The following P3H2 variants were observed in gnomAD, a reference collection of about 807,000 sequenced individuals.
P3H2 encodes prolyl 3-hydroxylase 2, also known as leprecan-like 1.
Under a neutral mutation model 87.0 loss-of-function variants are expected in P3H2, and 80 were observed. The ratio of observed to expected loss-of-function variants is 0.92; its 90% CI spans 0.77 to 1.11. The LOEUF (loss-of-function observed/expected upper bound fraction) is 1.11, where lower values mean the gene tolerates loss of function less well. Among genes scored for constraint, P3H2 ranks in the 50% least tolerant of loss-of-function variants. The probability of loss-of-function intolerance (pLI) is 0.00; values close to 1 mark genes in which losing one functional copy is unlikely to be tolerated. For synonymous variants in P3H2, 367 were observed against 359.3 expected (o/e 1.02, Z -0.24); for missense variants, 1,001 against 923.9 (o/e 1.08, Z -1.08).
chr3:189,994,097 C>A lies in P3H2; in HGVS notation c.820G>T (p.Ala274Ser). Residue 274 changes from alanine to serine, a missense_variant, in exon 3 of 15, where the codon GCA becomes TCA. Physicochemically the swap from Ala to Ser is moderately conservative, Grantham distance 99. Coordinates refer to ENST00000319332, the MANE Select transcript of P3H2 (RefSeq NM_018192.4). ...GYKAGLYEAI[A>S]DHYMQVLVCQ... ...AAATGAAAAATTAAGCTTTTACCTG[C>A]AATAGCTTCATACAGACCAGCCTTA... 1 of 1,606,936 alleles carries A rather than the reference C, an allele frequency of 6.2e-7. No individual in the cohort carries two copies. Among genetic ancestry groups the A allele is most frequent in the Non-Finnish European group, 8.5e-7 (1 of 1,174,708 alleles).
chr3:189,999,446 T>C (rs935185855), intron 1 of P3H2, among the ~76,000 whole-genome samples: 4 of 152,248 alleles, frequency 2.6e-5, no homozygotes, highest in African/African-American at 9.6e-5. Flanking sequence ...TGTCTTCCAT[T>C]GTATAAATAC....
intron 1 of P3H2, among the ~76,000 whole-genome samples, chr3:190,032,247 TA>T (rs1458397025): frequency 1.3e-5 from 2 of 152,176 alleles, no homozygotes; most frequent in Admixed American, 6.5e-5. Context: ...AACAGAGAAA[TA>T]TTTTTTTTTC....
chr3:190,036,688 T>A (rs897851614), intron 1 of P3H2, among the ~76,000 whole-genome samples: 1 of 152,214 alleles, frequency 6.6e-6, no homozygotes, highest in Non-Finnish European at 1.5e-5. Flanking sequence ...TCACTGAGTC[T>A]ACCTTTGACT....
intron 1 of P3H2, among the ~76,000 whole-genome samples, chr3:190,091,514 G>A (rs999496859): frequency 2.6e-5 from 4 of 152,204 alleles, no homozygotes; most frequent in African/African-American, 2.4e-5. Flanking sequence ...TTTAGGACAG[G>A]TGATTACATC....
chr3:190,048,891 TA>T (rs1725887532), intron 1 of P3H2, among the ~76,000 whole-genome samples: 1 of 152,208 alleles, frequency 6.6e-6, no homozygotes, highest in Non-Finnish European at 1.5e-5. Flanking sequence ...CTTTTAGCCT[TA>T]ACACCTTCCA....
At chr3:190,006,272 A>G (rs542733916) in intron 1 of P3H2, among the ~76,000 whole-genome samples, 2 of 152,322 alleles carry the variant, frequency 1.3e-5, no homozygotes, top group South Asian at 2.1e-4. Context: ...TATTTATATC[A>G]TATAGTCCCA....
intron 13 of P3H2, chr3:189,969,295 A>AC (rs1339099375): frequency 5.5e-6 from 5 of 914,596 alleles, no homozygotes; most frequent in Non-Finnish European, 9.1e-6. Context: ...GATAACATCC[A>AC]CCCCCCAGGT....
chr3:190,106,382 A>G (rs1711838246), intron 1 of P3H2, among the ~76,000 whole-genome samples: 1 of 152,128 alleles, frequency 6.6e-6, no homozygotes, highest in African/African-American at 2.4e-5. Context: ...CTCAGATTGA[A>G]TGGGTCAAGC....
chr3:189,983,717 G>C (rs955964359), intron 7 of P3H2, among the ~76,000 whole-genome samples: 2 of 152,128 alleles, frequency 1.3e-5, no homozygotes, highest in African/African-American at 2.4e-5. Flanking sequence ...CCTCGTGAAA[G>C]ACTTCAAGAT....
intron 14 of P3H2, among the ~76,000 whole-genome samples, chr3:189,962,794 A>C (rs1722856621): frequency 6.6e-6 from 1 of 152,254 alleles, no homozygotes; most frequent in African/African-American, 2.4e-5. Flanking sequence ...TTTGATGGTG[A>C]AAAGTATATG....
chr3:189,985,922 C>G (rs1347032071), intron 6 of P3H2, among the ~76,000 whole-genome samples: 1 of 152,020 alleles, frequency 6.6e-6, no homozygotes, highest in African/African-American at 2.4e-5. Flanking sequence ...TAAAGCTATA[C>G]AAATGTAGAA....
At position 189,987,582 on chromosome 3, in the gene P3H2, T is replaced by C; in HGVS notation, c.1043A>G (p.Tyr348Cys). The C allele has an allele frequency of 6.2e-7, 1 of 1,614,114 alleles. No individual in the cohort carries two copies. Among genetic ancestry groups the C allele is most frequent in the South Asian group, 1.1e-5 (1 of 91,088 alleles). ...DDEDVLDNVD[Y>C]YESLLDDSID... ...GCTATCATCCAGCAGACTCTCATAG[T>C]AATCCACATTGTCTAGGACATCCTC... The change falls in exon 5 of 15, where the codon TAC becomes TGC. Residue 348 changes from tyrosine to cysteine, a missense_variant. Coordinates refer to ENST00000319332, the MANE Select transcript of P3H2 (RefSeq NM_018192.4).
chr3:189,973,831 T>G, intron 10 of P3H2, 78 bp downstream of exon 10: 1 of 1,133,730 alleles, frequency 8.8e-7, no homozygotes, highest in South Asian at 1.2e-5. Context: ...GCCACTTTTT[T>G]CTTTCTTATA....
intron 3 of P3H2, among the ~76,000 whole-genome samples, chr3:189,989,909 C>G (rs1723825734): frequency 6.6e-6 from 1 of 152,170 alleles, no homozygotes; most frequent in Non-Finnish European, 1.5e-5. Context: ...AAGAAAATGC[C>G]TCCTACGTTT....
intron 14 of P3H2, among the ~76,000 whole-genome samples, chr3:189,961,625 T>C (rs572326942): frequency 6.6e-6 from 1 of 152,308 alleles, no homozygotes. Context: ...GTTAGTAGTT[T>C]GTAACGATCA....
At chr3:189,983,168 A>T in intron 7 of P3H2, 28 bp from the exon 8 acceptor site, 1 of 1,535,612 alleles carries the variant, frequency 6.5e-7, no homozygotes, top group Non-Finnish European at 9.0e-7. Flanking sequence ...TTAAAATGGC[A>T]ATTTGTCATT....
Position 190,114,795 on chromosome 3 carries a change from A to G in P3H2, c.480+5457T>C, listed in dbSNP as rs149729044. On this transcript the variant is annotated intron_variant, in intron 1 of 14. Coordinates refer to ENST00000319332, the MANE Select transcript of P3H2 (RefSeq NM_018192.4). The stretch of plus-strand genomic sequence containing the variant: ...AGGAAATAACCATTAGAACAATTTC[A>G]TAACAGCTATTTCAAGAAGATATGA... 1.1e-3 allele frequency among the ~76,000 whole-genome samples: 170 copies of G among 152,366 alleles called. 1 individual carries two copies. The East Asian group carries it at 0.03, about 27-fold the overall frequency.
chr3:190,036,212 A>T (rs146029230), intron 1 of P3H2, among the ~76,000 whole-genome samples: 368 of 152,196 alleles, frequency 2.4e-3, no homozygotes, highest in African/African-American at 8.6e-3. Context: ...CTTTTCTCCC[A>T]AACTTTCTCA....
chr3:190,120,287 C>A lies in P3H2; in HGVS notation c.445G>T (p.Val149Leu). ...EDVRSDFQRR[V>L]PYNYLQRAYI... is the part of the protein sequence containing the mutation. ...GCCCGCTGCAGGTAGTTGTAGGGCA[C>A]TCTGCGCTGGAAGTCGCTGCGCACA... The change falls in exon 1 of 15, where the codon GTG (valine) becomes TTG (leucine). Residue 149 changes from valine (V) to leucine (L), a missense_variant. By Grantham distance (32) the Val-to-Leu change is conservative. Transcript: ENST00000319332. 6.2e-7 allele frequency: 1 copy of A among 1,610,840 alleles called. No individual in the cohort carries two copies. Among genetic ancestry groups the A allele is most frequent in the African/African-American group, 1.3e-5 (1 of 75,028 alleles).
Sources: gnomAD v4.1 joint callset for allele counts (sites outside exome capture counted in the v4.1 genomes callset) on GRCh38, gnomAD v4.1.1 for gene constraint, MANE v1.5 for transcripts, NCBI Gene and HGNC (gene_info 2026-07-23, HGNC 2026-07-21) for gene names.